DNPEP: variants seen among roughly 807,000 people sequenced by gnomAD.
The protein encoded by DNPEP is aspartyl aminopeptidase.
In DNPEP, 46 loss-of-function variants were observed where a neutral mutation model predicts 59.1. That is an observed-to-expected ratio of 0.78 (90% CI 0.61 to 0.99). The LOEUF is 0.99. Among genes scored for constraint, DNPEP ranks in the 50% least tolerant of loss-of-function variants. DNPEP has a pLI of 0.00. For synonymous variants in DNPEP, 229 were observed against 242.2 expected, an observed-to-expected ratio of 0.95 and a Z score of 0.50; for missense variants, 617 against 649.9, an observed-to-expected ratio of 0.95 and a Z score of 0.55.
At chr2:219,385,878 A>G (rs1438962481) in intron 6 of DNPEP, 90 bp downstream of exon 6, 3 of 1,550,188 alleles carry the variant, frequency 1.9e-6, no homozygotes, top group Non-Finnish European at 2.6e-6. Flanking sequence ...TCCCAAGAGT[A>G]AAATGTGACC....
upstream of DNPEP, among the ~76,000 whole-genome samples, chr2:219,389,916 G>A (rs1241370490): frequency 6.6e-6 from 1 of 152,162 alleles, no homozygotes; most frequent in Non-Finnish European, 1.5e-5. Flanking sequence ...ACCTCCTGGG[G>A]AGGGGACACA....
chr2:219,372,725 A>G lies in DNPEP; in HGVS notation c.*1567T>C, dbSNP rs947470420. On this transcript the variant is annotated 3_prime_UTR_variant, in exon 15 of 15. Coordinates refer to ENST00000273075, the MANE Select transcript of DNPEP (RefSeq NM_012100.4). ...TCCAGTTCTGCAACCTGCCTTTTCT[A>G]CTCAACAATGTCTTTGTAATCTCTT... is the stretch of plus-strand genomic sequence containing the variant. Among the ~76,000 whole-genome samples, 3 of 152,086 alleles carry G rather than the reference A, an allele frequency of 2.0e-5. No individual in the cohort carries two copies. The highest frequency in any genetic ancestry group is 7.2e-5 in the African/African-American group (3 of 41,414).
intron 8 of DNPEP, chr2:219,385,162 G>A (rs1472302684): frequency 4.6e-6 from 2 of 430,976 alleles, no homozygotes; most frequent in Admixed American, 7.2e-5. Context: ...AAGCAGACAG[G>A]GCCCACCTGT....
intron 8 of DNPEP, 33 bp downstream of exon 8, chr2:219,385,391 C>G: frequency 6.6e-7 from 1 of 1,522,612 alleles, no homozygotes; most frequent in Non-Finnish European, 9.1e-7. Flanking sequence ...CCTGGAGGCC[C>G]TTCACCCACA....
rs977030058 is a variant in DNPEP, at chr2:219,386,352, A to G, written c.393T>C (p.Tyr131=). The G allele has an allele frequency of 1.9e-6, 3 of 1,614,048 alleles. No homozygotes were observed. The African/African-American group carries it at 4.0e-5, about 22-fold the overall frequency. The change falls in exon 5 of 15, where the codon TAT becomes TAC. Residue 131 remains tyrosine, a synonymous_variant. Coordinates refer to ENST00000273075, the MANE Select transcript of DNPEP (RefSeq NM_012100.4). The part of the protein sequence containing the change: ...VGFQQVGVET[Y]GGGIWSTWFD... ...ACCAGGTGCTCCAGATCCCACCACC[A>G]TAGGTCTCCACACCGACTTGCTGGA...
At position 219,378,995 on chromosome 2, in the gene DNPEP, G is replaced by A. The variant is rs1346997905; in HGVS notation, c.1239+2340C>T. ...TGCAATGGCACCATCTTGGCTCCCT[G>A]CAACCTCTGCCTCTTGGGTTCAAGC... On this transcript the variant is annotated intron_variant, in intron 13 of 14. Transcript: ENST00000273075. 3.9e-5 allele frequency among the ~76,000 whole-genome samples: 6 copies of A among 152,284 alleles called. No individual in the cohort carries two copies. The East Asian group carries it at 1.2e-3, about 29-fold the overall frequency.
rs758123570 is a variant in DNPEP at position 219,384,404 on chromosome 2, G to A, written c.814C>T (p.Arg272Trp). ...GAYDEFIFAP[R>W]LDNLHSCFCA... is the part of the protein sequence containing the mutation. ...AAGCAGCTGTGCAGATTGTCCAGCC[G>A]AGGAGCAAAGATGAACTCATCATAG... is the stretch of plus-strand genomic sequence containing the variant. Residue 272 changes from arginine to tryptophan, a missense_variant, in exon 9 of 15, where the codon CGG becomes TGG. Transcript: ENST00000273075. 7.4e-6 allele frequency: 12 copies of A among 1,611,688 alleles called. No homozygotes were observed. Among genetic ancestry groups the A allele is most frequent in the Non-Finnish European group, 9.3e-6 (11 of 1,179,036 alleles).
chr2:219,394,810 A>G (rs1014105270), intron 1 of DNPEP, among the ~76,000 whole-genome samples: 2 of 152,076 alleles, frequency 1.3e-5, no homozygotes, highest in Non-Finnish European at 2.9e-5. Flanking sequence ...CCAGTGTAAT[A>G]TGTCTTAATC....
chr2:219,374,911 A>C lies in DNPEP; in HGVS notation c.1351T>G (p.Ser451Ala). The C allele has an allele frequency of 6.2e-7, 1 of 1,614,186 alleles. No individual in the cohort carries two copies. Among genetic ancestry groups the C allele is most frequent in the Non-Finnish European group, 8.5e-7 (1 of 1,180,028 alleles). ...GTGGTGCAGGCCATCTCCCGGATAG[A>C]GTGCATGGCCAGTTGGGGGCTGCCT... ...DLGSPQLAMH[S>A]IREMACTTGV... The change falls in exon 14 of 15, where the codon TCT becomes GCT. Residue 451 changes from serine (S) to alanine (A), a missense_variant. Transcript: ENST00000273075.
At chr2:219,399,884 C>T in intron 1 of DNPEP, 1 of 1,550,554 alleles carries the variant, frequency 6.4e-7, no homozygotes, top group African/African-American at 1.4e-5. Context: ...AGCCATTGAG[C>T]CAGCTGTTGG....
Position 219,385,997 on chromosome 2 carries a change from C to T in DNPEP, c.561G>A (p.Glu187=), listed in dbSNP as rs1410843670. Residue 187 remains glutamate, a synonymous_variant, in exon 6 of 15, where the codon GAG becomes GAA. Coordinates refer to ENST00000273075, the MANE Select transcript of DNPEP (RefSeq NM_012100.4). The part of the protein sequence containing the change: ...LAIHLQRNIN[E]NFGPNTEMHL... ...GCATCTCTGTGTTGGGCCCAAAGTTCTCGTTGATATTTCGCTGCAGATGGA... is the reference window on the plus strand; with the variant it reads ...GCATCTCTGTGTTGGGCCCAAAGTTTTCGTTGATATTTCGCTGCAGATGGA... The T allele has an allele frequency of 6.2e-7, 1 of 1,614,178 alleles. No individual in the cohort carries two copies.
At position 219,387,050 on chromosome 2, in the gene DNPEP, T is replaced by G; in HGVS notation, c.130+20A>C. 1 of 1,610,952 alleles carries G rather than the reference T, an allele frequency of 6.2e-7. No individual in the cohort carries two copies. Among genetic ancestry groups the G allele is most frequent in the Non-Finnish European group, 8.5e-7 (1 of 1,178,400 alleles). ...GCGCATCAGCCTCCACCCTCCTCCC[T>G]TGCCCTGGCCACCGCTTACCATGGA... On this transcript the variant is annotated intron_variant, in intron 2 of 14. Coordinates refer to ENST00000273075, the MANE Select transcript of DNPEP (RefSeq NM_012100.4).
At chr2:219,385,745 G>A (rs762195603) in intron 6 of DNPEP, 39 bp from the exon 7 acceptor site, 2 of 1,550,474 alleles carry the variant, frequency 1.3e-6, no homozygotes, top group Middle Eastern at 3.6e-4. Context: ...TTGCGAGGAG[G>A]GCACAGCTGA....
At chr2:219,391,222 A>G (rs1232500532), upstream of DNPEP, among the ~76,000 whole-genome samples, 1 of 152,164 alleles carries the variant, frequency 6.6e-6, no homozygotes, top group Non-Finnish European at 1.5e-5. Flanking sequence ...ATAAGTCCCT[A>G]TGAAATGTTT....
chr2:219,377,277 C>CAAAAAA lies in DNPEP; in HGVS notation c.1240-2261_1240-2256dup, dbSNP rs386392672. 2.3e-4 allele frequency among the ~76,000 whole-genome samples: 15 copies of CAAAAAA among 66,092 alleles called. 2 individuals carry two copies. The highest frequency in any genetic ancestry group is 7.7e-4 in the African/African-American group (9 of 11,712). The allele number at this position is 66,092 out of a possible 152,430, so 43.4% of individuals were successfully genotyped here. A position where few individuals can be genotyped will look rare whatever the true frequency, so the allele number is the denominator to read the frequency against. ...CGACAGAGTGAAACTCTCACTCTGT[C>CAAAAAA]AAAAAAAAAAAAAAAAAAAAAAAAA... On this transcript the variant is annotated intron_variant, in intron 13 of 14. Transcript: ENST00000273075.
At position 219,387,802 on chromosome 2, in the gene DNPEP, C is replaced by A. The variant is rs1240839410; in HGVS notation, c.-8G>T. The A allele has an allele frequency of 6.3e-7, 1 of 1,584,254 alleles. No homozygotes were observed. Among genetic ancestry groups the A allele is most frequent in the African/African-American group, 1.4e-5 (1 of 72,490 alleles). ...GGGGCTGTGTCCGCTCATCTGGCCT[C>A]CGGGCTCGGCCCGCCCCCACCGCGC... On this transcript the variant is annotated 5_prime_UTR_variant, in exon 1 of 15. Coordinates refer to ENST00000273075, the MANE Select transcript of DNPEP (RefSeq NM_012100.4).
At chr2:219,391,950 G>C (rs1331657133), upstream of DNPEP, among the ~76,000 whole-genome samples, 1 of 148,744 alleles carries the variant, frequency 6.7e-6, no homozygotes, top group Non-Finnish European at 1.5e-5. Context: ...AAAAAAAAAA[G>C]CAATTTCTAG....
At position 219,377,305 on chromosome 2, in the gene DNPEP, A is replaced by AG. The variant is rs56408958; in HGVS notation, c.1240-2284dup. ...AAAAAAAAAAAAAAAAAAAAAAAAA[A>AG]GTTTAACTTGAATCCATCAAGTCTT... On this transcript the variant is annotated intron_variant, in intron 13 of 14. Transcript: ENST00000273075. Among the ~76,000 whole-genome samples the AG allele has an allele frequency of 1.3e-4, 19 of 148,526 alleles. No individual in the cohort carries two copies. In the East Asian group the frequency reaches 1.4e-3, roughly 11 times the overall value.
At chr2:219,386,524 A>G in intron 4 of DNPEP, 113 bp from the exon 5 acceptor site, 2 of 1,517,162 alleles carry the variant, frequency 1.3e-6, no homozygotes, top group Non-Finnish European at 1.8e-6. Context: ...GAAAGGCTCA[A>G]GGTGTGAAGG....
Sources: allele counts gnomAD v4.1 joint callset (sites outside exome capture counted in the v4.1 genomes callset), GRCh38; gene constraint gnomAD v4.1.1; transcripts MANE v1.5; gene names NCBI Gene and HGNC (gene_info 2026-07-23, HGNC 2026-07-21).